Variants in SEPTIN9 observed in about 807,000 individuals in gnomAD.
The protein encoded by SEPTIN9 is septin-9.
Under a neutral mutation model 56.6 loss-of-function variants are expected in SEPTIN9, and 13 were observed. That is an observed-to-expected ratio of 0.23 (90% CI 0.15 to 0.37). The LOEUF (loss-of-function observed/expected upper bound fraction) is 0.37. Among genes scored for constraint, SEPTIN9 ranks in the 10% least tolerant of loss-of-function variants. The pLI, the probability that SEPTIN9 is intolerant of heterozygous loss-of-function variation, is 1.00. For missense variants in SEPTIN9, 650 were observed against 823.1 expected (o/e 0.79, Z 2.57); for synonymous variants, 332 against 334.1 (o/e 0.99, Z 0.07).
At chr17:77,373,540 T>A (rs1283616858) in intron 2 of SEPTIN9, 1 of 1,546,020 alleles carries the variant, frequency 6.5e-7, no homozygotes, top group Non-Finnish European at 8.7e-7. Context: ...TGGGATCATT[T>A]CGGACTTCGA....
chr17:77,426,642 C>A (rs979182856), intron 3 of SEPTIN9, among the ~76,000 whole-genome samples: 1 of 152,178 alleles, frequency 6.6e-6, no homozygotes. Context: ...GACCTCCTGG[C>A]CGCCTCATTC....
At chr17:77,360,946 G>T in intron 2 of SEPTIN9, among the ~76,000 whole-genome samples, 1 of 139,648 alleles carries the variant, frequency 7.2e-6, no homozygotes. Flanking sequence ...TTTGAGACGG[G>T]GTCTCTCTCT....
In SEPTIN9 at chr17:77,367,348, C is replaced by T. The variant is rs1468467675; in HGVS notation, c.77-34711C>T. ...ATGAAGAATCCATGTGTGTTCTGAA[C>T]GTCCCCTCTGCCCCTTTGGGCTCAT... On this transcript the variant is annotated intron_variant, in intron 2 of 11. Transcript: ENST00000427177. The surrounding 1 kb of genome is among the most constrained non-coding windows in gnomAD (Gnocchi z 4.5). Among the ~76,000 whole-genome samples the T allele has an allele frequency of 3.3e-5, 5 of 152,314 alleles. No individual in the cohort carries two copies. The highest frequency in any genetic ancestry group is 2.6e-4 in the Admixed American group (4 of 15,310).
intron 2 of SEPTIN9, among the ~76,000 whole-genome samples, chr17:77,392,258 G>A (rs1227857563): frequency 6.6e-6 from 1 of 152,178 alleles, no homozygotes; most frequent in Non-Finnish European, 1.5e-5. Context: ...TGGGCCCAGG[G>A]TTGCCAGAGG....
At chr17:77,324,485 G>A (rs1369817903) in intron 2 of SEPTIN9, among the ~76,000 whole-genome samples, 2 of 152,186 alleles carry the variant, frequency 1.3e-5, no homozygotes, top group Admixed American at 1.3e-4. Flanking sequence ...CAGGAATTCT[G>A]GGGACAGCAT....
At chr17:77,408,475 G>T (rs1199981498) in intron 3 of SEPTIN9, among the ~76,000 whole-genome samples, 1 of 152,232 alleles carries the variant, frequency 6.6e-6, no homozygotes, top group Non-Finnish European at 1.5e-5. Flanking sequence ...GGTGGGCGTG[G>T]CTCTTCGCAT....
At chr17:77,430,940 G>A (rs1380192203) in intron 3 of SEPTIN9, among the ~76,000 whole-genome samples, 6 of 151,662 alleles carry the variant, frequency 4.0e-5, no homozygotes, top group South Asian at 4.2e-4. Context: ...GCAGTGAGCC[G>A]AGACTGTGCT....
intron 1 of SEPTIN9, among the ~76,000 whole-genome samples, chr17:77,304,462 A>G (rs2032182536): frequency 6.6e-6 from 1 of 152,128 alleles, no homozygotes; most frequent in South Asian, 2.1e-4. Context: ...CATGTTTCCT[A>G]CGGATAAGAG....
chr17:77,320,038 C>T, intron 2 of SEPTIN9: 1 of 1,375,948 alleles, frequency 7.3e-7, no homozygotes, highest in South Asian at 1.6e-5. Context: ...TCTCTCCTGC[C>T]TCCTATTTTT....
rs550732851 is a variant in SEPTIN9 at position 77,421,418 on chromosome 17, G to A, written c.721+18715G>A. Among the ~76,000 whole-genome samples, 15 of 152,294 alleles carry A rather than the reference G, an allele frequency of 9.8e-5. No individual in the cohort carries two copies. The highest frequency in any genetic ancestry group is 9.8e-4 in the Admixed American group (15 of 15,304). ...TCCCCACAAGACTGGGCTGGATGCTGCTGGGAAAGTCAACAGGAAGTCTTT... is the reference window on the plus strand; with the variant it reads ...TCCCCACAAGACTGGGCTGGATGCTACTGGGAAAGTCAACAGGAAGTCTTT... On this transcript the variant is annotated intron_variant, in intron 3 of 11. Transcript: ENST00000427177. This position sits in a 1 kb window ranked among gnomAD's most constrained non-coding sequence, Gnocchi z 4.6.
chr17:77,379,918 C>T (rs2035077424), intron 2 of SEPTIN9, among the ~76,000 whole-genome samples: 1 of 152,246 alleles, frequency 6.6e-6, no homozygotes, highest in East Asian at 1.9e-4. Flanking sequence ...TTCCAAAGCC[C>T]TCTTGGTTTT....
intron 3 of SEPTIN9, among the ~76,000 whole-genome samples, chr17:77,426,222 C>CT (rs2036904478): frequency 6.6e-6 from 1 of 152,198 alleles, no homozygotes; most frequent in Non-Finnish European, 1.5e-5. Flanking sequence ...CCCTCCTGAA[C>CT]TGACCGCCTG....
intron 1 of SEPTIN9, chr17:77,288,234 G>C: frequency 9.6e-7 from 1 of 1,037,970 alleles, no homozygotes; most frequent in Non-Finnish European, 1.2e-6. Context: ...TCTCTTTCCG[G>C]CTCCTCCCAG....
intron 2 of SEPTIN9, among the ~76,000 whole-genome samples, chr17:77,347,032 G>A (rs901973614): frequency 1.3e-5 from 2 of 152,102 alleles, no homozygotes; most frequent in African/African-American, 4.8e-5. Flanking sequence ...AAATTACCCA[G>A]CCTAAGGCAT....
intron 2 of SEPTIN9, among the ~76,000 whole-genome samples, chr17:77,379,058 C>T (rs1172220703): frequency 2.0e-5 from 3 of 152,122 alleles, no homozygotes; most frequent in African/African-American, 7.2e-5. Context: ...CCTGAACATT[C>T]TCATCCAGCA....
rs1056197817 is a variant in SEPTIN9, at chr17:77,445,176, C to T, written c.722-36968C>T. 11 of 470,934 alleles carry T rather than the reference C, an allele frequency of 2.3e-5. No homozygotes were observed. Among genetic ancestry groups the T allele is most frequent in the Non-Finnish European group, 4.4e-5 (10 of 227,012 alleles). The allele number at this position is 470,934 out of a possible 1,614,324, so 29.2% of individuals were successfully genotyped here. On this transcript the variant is annotated intron_variant, in intron 3 of 11. Transcript: ENST00000427177. This position sits in a 1 kb window ranked among gnomAD's most constrained non-coding sequence, Gnocchi z 4.7. ...GGCAGGAGCTGTGGGTGCTCCCAGCCCCTTCTCAAGGTTGGTCTGTGGGTA... is the reference window on the plus strand; with the variant it reads ...GGCAGGAGCTGTGGGTGCTCCCAGCTCCTTCTCAAGGTTGGTCTGTGGGTA...
At chr17:77,442,583 A>T (rs981316270) in intron 3 of SEPTIN9, among the ~76,000 whole-genome samples, 1 of 150,532 alleles carries the variant, frequency 6.6e-6, no homozygotes, top group African/African-American at 2.4e-5. Context: ...GTGAAAGCAC[A>T]TATTATGGGC....
rs1350956963 is a variant in SEPTIN9 at position 77,402,668 on chromosome 17, C to T, written c.686C>T (p.Pro229Leu). The T allele has an allele frequency of 1.2e-6, 2 of 1,607,468 alleles. No individual in the cohort carries two copies. Among genetic ancestry groups the T allele is most frequent in the Admixed American group, 1.7e-5 (1 of 59,140 alleles). ...LQSRLEPKPQ[P>L]PVAEATPRSQ... is the part of the protein sequence containing the mutation. ...AGCAGGCTGGAGCCCAAGCCCCAGC[C>T]CCCTGTGGCTGAGGCTACACCCCGG... is the stretch of plus-strand genomic sequence containing the variant. Residue 229 changes from proline to leucine, a missense_variant, in exon 3 of 12, where the codon CCC (proline) becomes CTC (leucine). Around this residue, in one of 2 missense-constraint regions of SEPTIN9, gnomAD observed 317 missense variants for 329.1 expected, o/e 0.96. Coordinates refer to ENST00000427177, the MANE Select transcript of SEPTIN9 (RefSeq NM_001113491.2). The surrounding 1 kb of genome is among the most constrained non-coding windows in gnomAD (Gnocchi z 6.6).
chr17:77,467,873 A>T (rs1046857958), intron 3 of SEPTIN9, among the ~76,000 whole-genome samples: 10 of 152,310 alleles, frequency 6.6e-5, no homozygotes, highest in African/African-American at 2.4e-4. Context: ...TCATTCACTC[A>T]TTCACAGCGT....
Sources: gnomAD v4.1 joint callset for allele counts (sites outside exome capture counted in the v4.1 genomes callset) on GRCh38, gnomAD v4.1.1 for gene constraint, gnomAD v4.1.1 regional missense constraint, Gnocchi (gnomAD v3.1) non-coding constraint, MANE v1.5 for transcripts, NCBI Gene and HGNC (gene_info 2026-07-23, HGNC 2026-07-21) for gene names.